The following ANK2 variants were observed in gnomAD, a reference collection of about 807,000 sequenced individuals.
ANK2 encodes ankyrin 2.
A neutral mutation model predicts 360.5 loss-of-function variants in ANK2; 83 were observed. That is an observed-to-expected ratio of 0.23 (90% CI 0.19 to 0.28). ANK2 has a LOEUF of 0.28. ANK2 is among the 10% of genes least tolerant of loss of function. The pLI, the probability that ANK2 is intolerant of heterozygous loss-of-function variation, is 1.00. For missense variants in ANK2, 4,201 were observed against 4,795.7 expected, an observed-to-expected ratio of 0.88 and a Z score of 3.66; for synonymous variants, 1,740 against 1,759.5, an observed-to-expected ratio of 0.99 and a Z score of 0.28.
the ANK2 span, among the ~76,000 whole-genome samples, chr4:112,708,351 A>G: frequency 6.6e-6 from 1 of 152,186 alleles, no homozygotes; most frequent in South Asian, 2.1e-4. Context: ...ATTCAGAAAA[A>G]GTGTAATTGA....
rs2047941842 is a variant in ANK2 at position 113,254,012 on chromosome 4, AC to A, written c.991-1722del. Among the ~76,000 whole-genome samples, 3 of 152,114 alleles carry A rather than the reference AC, an allele frequency of 2.0e-5. No homozygotes were observed. The South Asian group carries it at 6.2e-4, about 31-fold the overall frequency. ...CGATCATGCCCGTTATAATCCCAAC[AC>A]AATATATTTGCACTTGCCTTTTCTA... On this transcript the variant is annotated intron_variant, in intron 10 of 45. Transcript: ENST00000357077.
At chr4:112,925,905 T>C (rs944454156) in intron 2 of ANK2, among the ~76,000 whole-genome samples, 1 of 152,238 alleles carries the variant, frequency 6.6e-6, no homozygotes. Context: ...TTTCTTTTAA[T>C]AGAATGTTTA....
intron 26 of ANK2, among the ~76,000 whole-genome samples, chr4:113,324,171 A>G (rs931330022): frequency 1.3e-5 from 2 of 152,126 alleles, no homozygotes; most frequent in Non-Finnish European, 2.9e-5. Context: ...ATTAAAGGTT[A>G]TGATTTTAAG....
intron 2 of ANK2, chr4:112,979,932 C>T (rs931516544): frequency 2.6e-5 from 4 of 152,186 alleles, no homozygotes; most frequent in Non-Finnish European, 5.9e-5. Flanking sequence ...AACTGGTAGC[C>T]TGGCCCCAGG....
intron 2 of ANK2, among the ~76,000 whole-genome samples, chr4:112,984,945 G>T (rs141532919): frequency 9.9e-5 from 15 of 152,202 alleles, no homozygotes; most frequent in Admixed American, 4.6e-4. Context: ...CCCTCCACCT[G>T]GTTCAACATT....
At chr4:112,848,537 T>G (rs988813300) in intron 1 of ANK2, among the ~76,000 whole-genome samples, 20 of 152,254 alleles carry the variant, frequency 1.3e-4, no homozygotes, top group African/African-American at 4.6e-4. Flanking sequence ...AGTTCCTTCC[T>G]TCTCCTTCTC....
chr4:113,034,242 G>A (rs1238278885), intron 2 of ANK2, among the ~76,000 whole-genome samples: 1 of 151,862 alleles, frequency 6.6e-6, no homozygotes, highest in Non-Finnish European at 1.5e-5. Context: ...GTGTTCCTTA[G>A]ATTGGCAAAA....
chr4:112,743,874 A>G, the ANK2 span, among the ~76,000 whole-genome samples: 7 of 146,954 alleles, frequency 4.8e-5, no homozygotes, highest in Non-Finnish European at 4.5e-5. Context: ...TTCTCCACCC[A>G]GGCTGTACTG....
At chr4:112,846,010 A>G (rs1375761632) in intron 1 of ANK2, among the ~76,000 whole-genome samples, 1 of 152,194 alleles carries the variant, frequency 6.6e-6, no homozygotes. Context: ...CCCCACACTT[A>G]GGAATTTGGG....
chr4:113,001,976 C>T (rs1056879193), intron 2 of ANK2, among the ~76,000 whole-genome samples: 1 of 152,004 alleles, frequency 6.6e-6, no homozygotes, highest in Admixed American at 6.6e-5. Context: ...AAAAATTCCA[C>T]CTCCTAAGCA....
chr4:113,055,967 T>TA (rs964887121), intron 1 of ANK2, among the ~76,000 whole-genome samples: 2 of 152,146 alleles, frequency 1.3e-5, no homozygotes, highest in African/African-American at 4.8e-5. Context: ...TCTATGGGAA[T>TA]AACATGGAAA....
intron 1 of ANK2, among the ~76,000 whole-genome samples, chr4:113,148,097 G>A (rs1382502698): frequency 6.6e-6 from 1 of 152,172 alleles, no homozygotes; most frequent in African/African-American, 2.4e-5. Context: ...GCAAGGCCTT[G>A]TTAGGGTCCA....
At chr4:112,777,975 CT>C in the ANK2 span, among the ~76,000 whole-genome samples, 60 of 138,218 alleles carry the variant, frequency 4.3e-4, no homozygotes, top group Non-Finnish European at 3.8e-4. Flanking sequence ...TTCTTTCTTT[CT>C]TTTTTTTTTT....
the ANK2 span, among the ~76,000 whole-genome samples, chr4:112,775,843 G>A: frequency 1.3e-4 from 20 of 152,270 alleles, no homozygotes; most frequent in Middle Eastern, 3.4e-3. Flanking sequence ...TCTTGGAGGC[G>A]GATGGGACTG....
chr4:113,224,621 A>G (rs2099192438), intron 4 of ANK2, among the ~76,000 whole-genome samples: 1 of 152,228 alleles, frequency 6.6e-6, no homozygotes. Flanking sequence ...TATATTTAAT[A>G]AGCTTAGCAA....
intron 1 of ANK2, among the ~76,000 whole-genome samples, chr4:113,067,918 G>A (rs1396759272): frequency 1.3e-5 from 2 of 152,204 alleles, no homozygotes; most frequent in Non-Finnish European, 2.9e-5. Flanking sequence ...GTTAGGTGGA[G>A]CAAGCTTACT....
At chr4:113,231,033 C>T (rs898759560) in intron 4 of ANK2, among the ~76,000 whole-genome samples, 5 of 151,016 alleles carry the variant, frequency 3.3e-5, no homozygotes, top group African/African-American at 1.2e-4. Flanking sequence ...GAAATATAGA[C>T]TTTTACATTT....
chr4:112,758,484 C>G, the ANK2 span, among the ~76,000 whole-genome samples: 6 of 152,090 alleles, frequency 3.9e-5, no homozygotes, highest in African/African-American at 1.4e-4. Flanking sequence ...AATTTCGGCT[C>G]ACTGCAACCT....
chr4:112,861,779 C>T (rs2068094304), intron 1 of ANK2, among the ~76,000 whole-genome samples: 1 of 150,298 alleles, frequency 6.7e-6, no homozygotes, highest in African/African-American at 2.5e-5. Flanking sequence ...ATATGAATTG[C>T]ACTAATTCTT....
Sources: allele counts gnomAD v4.1 joint callset (sites outside exome capture counted in the v4.1 genomes callset), GRCh38; gene constraint gnomAD v4.1.1; transcripts MANE v1.5; gene names NCBI Gene and HGNC (gene_info 2026-07-23, HGNC 2026-07-21).